Variants in ASAH2 observed in about 807,000 individuals in gnomAD.
ASAH2 encodes neutral ceramidase.
A neutral mutation model predicts 82.9 loss-of-function variants in ASAH2; 58 were observed. The observed-to-expected ratio is 0.70, with a 90% CI of 0.57 to 0.87. The LOEUF (loss-of-function observed/expected upper bound fraction) is 0.87. Among genes scored for constraint, ASAH2 ranks in the 40% least tolerant of loss-of-function variants. ASAH2 has a pLI of 0.00. For missense variants in ASAH2, 779 were observed against 834.0 expected, an observed-to-expected ratio of 0.93 and a Z score of 0.81; for synonymous variants, 276 against 289.7, an observed-to-expected ratio of 0.95 and a Z score of 0.48.
intron 12 of ASAH2, among the ~76,000 whole-genome samples, chr10:50,206,664 ATACTC>A (rs1395943963): frequency 6.6e-6 from 1 of 151,924 alleles, no homozygotes; most frequent in African/African-American, 2.4e-5. Context: ...TTAAGAATCT[ATACTC>A]TATTCAAAAA....
intron 3 of ASAH2, among the ~76,000 whole-genome samples, chr10:50,244,349 C>T (rs1308856420): frequency 6.8e-6 from 1 of 146,382 alleles, no homozygotes; most frequent in Non-Finnish European, 1.5e-5. Context: ...CTCACCATGT[C>T]ATAAAATTTA....
At chr10:50,241,629 G>A (rs553979128) in intron 4 of ASAH2, among the ~76,000 whole-genome samples, 1 of 152,202 alleles carries the variant, frequency 6.6e-6, no homozygotes, top group East Asian at 1.9e-4. Flanking sequence ...GCAAAGACTT[G>A]GATCCAACCC....
At chr10:50,218,703 C>G in intron 7 of ASAH2, 73 bp from the exon 8 acceptor site, 1 of 1,560,624 alleles carries the variant, frequency 6.4e-7, no homozygotes, top group Non-Finnish European at 8.8e-7. Flanking sequence ...TGACTGGGAG[C>G]TTAAGTTTTC....
intron 17 of ASAH2, among the ~76,000 whole-genome samples, chr10:50,197,524 A>G (rs1845017919): frequency 6.6e-6 from 1 of 152,002 alleles, no homozygotes; most frequent in African/African-American, 2.4e-5. Context: ...TTGGTACAAA[A>G]GTAATTGGCA....
At chr10:50,213,483 A>T (rs1333085727) in intron 9 of ASAH2, among the ~76,000 whole-genome samples, 1 of 152,062 alleles carries the variant, frequency 6.6e-6, no homozygotes, top group Non-Finnish European at 1.5e-5. Flanking sequence ...ACTTCTGGGG[A>T]AAAAAATCAA....
chr10:50,245,598 G>C (rs1025942019), intron 2 of ASAH2, 144 bp from the exon 3 acceptor site: 1 of 739,562 alleles, frequency 1.4e-6, no homozygotes, highest in Non-Finnish European at 2.1e-6. Context: ...GACAGGAACA[G>C]CTCAAGAACC....
chr10:50,197,796 A>G lies in ASAH2; in HGVS notation c.1858-877T>C, dbSNP rs1397670284. The stretch of plus-strand genomic sequence containing the variant: ...TGTCACTACAAAATTTGAAGAATCT[A>G]TTTTCTTGGGAAGAACTATAGACCT... On this transcript the variant is annotated intron_variant, in intron 17 of 20. Transcript: ENST00000682911. Among the ~76,000 whole-genome samples the G allele has an allele frequency of 7.2e-5, 11 of 151,978 alleles. No homozygotes were observed. In the East Asian group the frequency reaches 1.9e-3, roughly 27 times the overall value.
At position 50,185,842 on chromosome 10, in the gene ASAH2, C is replaced by G. The variant is rs1297996333; in HGVS notation, c.*1473G>C. ...CCATTATGAATATTGTTATTATTTT[C>G]AAACCTCAAAGTTTATTTTTAAAAT... On this transcript the variant is annotated 3_prime_UTR_variant, in exon 21 of 21. Transcript: ENST00000682911. The G allele has an allele frequency of 7.0e-6, 1 of 143,812 alleles. No individual in the cohort carries two copies. The highest frequency in any genetic ancestry group is 1.5e-5 in the Non-Finnish European group (1 of 66,462). 8.9% of individuals were successfully genotyped at this position (143,812 alleles called of 1,614,324 possible). A position where few individuals can be genotyped will look rare whatever the true frequency, so the allele number is the denominator to read the frequency against.
At chr10:50,197,502 A>G (rs1184010886) in intron 17 of ASAH2, among the ~76,000 whole-genome samples, 1 of 151,952 alleles carries the variant, frequency 6.6e-6, no homozygotes, top group Non-Finnish European at 1.5e-5. Flanking sequence ...ATATCCCTAT[A>G]TCTATATTAG....
Position 50,234,355 on chromosome 10 carries a change from C to G in ASAH2, c.815+70G>C, listed in dbSNP as rs2133225098. 7 of 1,602,384 alleles carry G rather than the reference C, an allele frequency of 4.4e-6. No homozygotes were observed. In the East Asian group the frequency reaches 1.6e-4, roughly 36 times the overall value. On this transcript the variant is annotated intron_variant, in intron 6 of 20. Transcript: ENST00000682911. Reference sequence around the variant, plus strand: ...CTCACCATATTCATCAAGTAACAGCCCTGTACTTAGATTTTGTTGCTGTTC... The same window carrying G: ...CTCACCATATTCATCAAGTAACAGCGCTGTACTTAGATTTTGTTGCTGTTC...
chr10:50,249,957 T>C (rs1846573691), intron 1 of ASAH2, among the ~76,000 whole-genome samples: 1 of 152,134 alleles, frequency 6.6e-6, no homozygotes, highest in African/African-American at 2.4e-5. Flanking sequence ...ATGGCAACAA[T>C]GTAGATGTAT....
intron 1 of ASAH2, among the ~76,000 whole-genome samples, chr10:50,249,579 T>C (rs1288709192): frequency 7.9e-5 from 12 of 152,230 alleles, no homozygotes; most frequent in Admixed American, 7.9e-4. Context: ...CTTCACCATC[T>C]ATAAATAGGA....
At chr10:50,245,534 C>T in intron 2 of ASAH2, 80 bp from the exon 3 acceptor site, 2 of 1,254,654 alleles carry the variant, frequency 1.6e-6, no homozygotes, top group South Asian at 2.9e-5. Flanking sequence ...AATATATAGG[C>T]TCAGGTTCAT....
At chr10:50,245,537 A>G in intron 2 of ASAH2, 83 bp from the exon 3 acceptor site, 1 of 1,207,972 alleles carries the variant, frequency 8.3e-7, no homozygotes, top group South Asian at 1.5e-5. Context: ...ATATAGGCTC[A>G]GGTTCATAAG....
intron 4 of ASAH2, among the ~76,000 whole-genome samples, chr10:50,241,047 G>A (rs1193506882): frequency 6.6e-6 from 1 of 152,214 alleles, no homozygotes; most frequent in African/African-American, 2.4e-5. Flanking sequence ...CTCACTCTGA[G>A]GGAATCTAGC....
chr10:50,234,670 C>T, intron 5 of ASAH2, 118 bp from the exon 6 acceptor site: 4 of 1,387,854 alleles, frequency 2.9e-6, no homozygotes, highest in Non-Finnish European at 4.1e-6. Context: ...AATGGGTCCA[C>T]ATTACGGGAT....
chr10:50,250,680 C>T (rs1017524464), intron 1 of ASAH2, among the ~76,000 whole-genome samples: 3 of 152,166 alleles, frequency 2.0e-5, no homozygotes, highest in African/African-American at 4.8e-5. Flanking sequence ...CCTCCCAACC[C>T]CAGAGCATGG....
chr10:50,240,847 G>C (rs1292051350), intron 4 of ASAH2, among the ~76,000 whole-genome samples: 1 of 152,166 alleles, frequency 6.6e-6, no homozygotes, highest in South Asian at 2.1e-4. Context: ...GATCTTAAAA[G>C]ACCATATGTC....
chr10:50,210,117 C>T (rs1475158311), intron 12 of ASAH2, among the ~76,000 whole-genome samples: 2 of 152,184 alleles, frequency 1.3e-5, no homozygotes, highest in African/African-American at 2.4e-5. Context: ...TTCATAATAA[C>T]CAAAACATGG....
Sources: gnomAD v4.1 joint callset for allele counts (sites outside exome capture counted in the v4.1 genomes callset) on GRCh38, gnomAD v4.1.1 for gene constraint, MANE v1.5 for transcripts, NCBI Gene and HGNC (gene_info 2026-07-23, HGNC 2026-07-21) for gene names.